SLC4A4: variants seen among roughly 807,000 people sequenced by gnomAD.
SLC4A4 encodes solute carrier family 4 member 4.
A neutral mutation model predicts 111.5 loss-of-function variants in SLC4A4; 27 were observed. That is an observed-to-expected ratio of 0.24 (90% confidence interval 0.18 to 0.33). SLC4A4 has a LOEUF of 0.33. SLC4A4 is among the 10% of genes least tolerant of loss of function. SLC4A4 has a pLI of 1.00. For missense variants in SLC4A4, 909 were observed against 1,315.5 expected, an observed-to-expected ratio of 0.69 and a Z score of 4.78; for synonymous variants, 443 against 463.4, an observed-to-expected ratio of 0.96 and a Z score of 0.57.
In SLC4A4 at chr4:71,436,136, T is replaced by C. The variant is rs543737884; in HGVS notation, c.808-4480T>C. On this transcript the variant is annotated intron_variant, in intron 7 of 25. Transcript: ENST00000264485. ...ATGTTTATTGTGGCACTGTTCACAA[T>C]AGCAAAGACTGGGAACCAATCCAAA... Among the ~76,000 whole-genome samples, 7 of 152,272 alleles carry C rather than the reference T, an allele frequency of 4.6e-5. No individual in the cohort carries two copies. In the South Asian group the frequency reaches 1.5e-3, roughly 32 times the overall value.
At chr4:71,106,338 G>C (rs1201420594) in intron 2 of SLC4A4, among the ~76,000 whole-genome samples, 1 of 151,222 alleles carries the variant, frequency 6.6e-6, no homozygotes, top group Non-Finnish European at 1.5e-5. Flanking sequence ...TTGTAAACTA[G>C]TTCAACCGTT....
At chr4:71,493,054 C>A (rs1222060145) in intron 15 of SLC4A4, among the ~76,000 whole-genome samples, 2 of 151,824 alleles carry the variant, frequency 1.3e-5, no homozygotes, top group African/African-American at 4.8e-5. Flanking sequence ...GCACTTAGGT[C>A]TCAGTGCATT....
At chr4:71,193,229 G>C (rs1050308845) in intron 1 of SLC4A4, among the ~76,000 whole-genome samples, 1 of 152,114 alleles carries the variant, frequency 6.6e-6, no homozygotes, top group Non-Finnish European at 1.5e-5. Flanking sequence ...GCCGGATCTC[G>C]GCTCACTGCA....
At chr4:71,167,828 A>C (rs568547186) in intron 2 of SLC4A4, among the ~76,000 whole-genome samples, 40 of 152,056 alleles carry the variant, frequency 2.6e-4, no homozygotes, top group African/African-American at 9.2e-4. Context: ...TGTTCTTTCA[A>C]CTCTTACATC....
chr4:71,359,174 C>T (rs1036479569), intron 6 of SLC4A4, among the ~76,000 whole-genome samples: 4 of 152,170 alleles, frequency 2.6e-5, no homozygotes, highest in East Asian at 1.9e-4. Flanking sequence ...GAGTTAATAT[C>T]GCTCGCCATT....
At chr4:71,119,088 T>C (rs1205505758) in intron 2 of SLC4A4, among the ~76,000 whole-genome samples, 1 of 152,184 alleles carries the variant, frequency 6.6e-6, no homozygotes, top group Non-Finnish European at 1.5e-5. Flanking sequence ...TCAATGTAGG[T>C]TCATCAAGTG....
chr4:71,344,445 G>A (rs1729154600), intron 4 of SLC4A4, among the ~76,000 whole-genome samples: 1 of 152,074 alleles, frequency 6.6e-6, no homozygotes, highest in Non-Finnish European at 1.5e-5. Context: ...CCCATTAAAA[G>A]CCCTCAGACC....
chr4:71,404,930 G>A (rs922708361), intron 7 of SLC4A4, among the ~76,000 whole-genome samples: 3 of 151,714 alleles, frequency 2.0e-5, no homozygotes, highest in Admixed American at 2.0e-4. Context: ...TGAATAGTGG[G>A]GACTACAGGT....
intron 1 of SLC4A4, among the ~76,000 whole-genome samples, chr4:71,191,681 T>G (rs770400049): frequency 7.2e-5 from 11 of 152,206 alleles, no homozygotes; most frequent in Non-Finnish European, 1.3e-4. Flanking sequence ...CCAGGGAGTA[T>G]TTCATGAGAG....
chr4:71,360,338 T>A (rs1049784422), intron 6 of SLC4A4, among the ~76,000 whole-genome samples: 6 of 152,192 alleles, frequency 3.9e-5, no homozygotes, highest in South Asian at 2.1e-4. Context: ...GCTTGATTTT[T>A]AAATTTTTTT....
At chr4:71,301,197 C>A (rs1035911943) in intron 3 of SLC4A4, 1 of 252,946 alleles carries the variant, frequency 4.0e-6, no homozygotes, top group Non-Finnish European at 7.9e-6. Flanking sequence ...CATACCCACA[C>A]CAGACCTTGG....
intron 7 of SLC4A4, among the ~76,000 whole-genome samples, chr4:71,430,676 C>G (rs1403078932): frequency 6.6e-6 from 1 of 152,110 alleles, no homozygotes; most frequent in Non-Finnish European, 1.5e-5. Flanking sequence ...ACTGGGGACT[C>G]AACAGTCTTT....
chr4:71,178,234 T>C (rs1745157791), intron 2 of SLC4A4, among the ~76,000 whole-genome samples: 1 of 151,078 alleles, frequency 6.6e-6, no homozygotes, highest in Non-Finnish European at 1.5e-5. Flanking sequence ...GCAGGAAAGA[T>C]CTAAAATTGA....
chr4:71,266,583 C>T (rs537331394), intron 3 of SLC4A4, among the ~76,000 whole-genome samples: 10 of 152,250 alleles, frequency 6.6e-5, no homozygotes, highest in Admixed American at 2.0e-4. Flanking sequence ...CATGGTTCCC[C>T]GAGAGGAAAT....
chr4:71,144,087 A>T (rs146627798), intron 2 of SLC4A4, among the ~76,000 whole-genome samples: 2,279 of 152,284 alleles, frequency 0.015, 68 homozygotes, highest in African/African-American at 0.052. Flanking sequence ...TAGGTCTAAC[A>T]TGTAAGTATT....
In SLC4A4 at chr4:71,228,758, C is replaced by T. The variant is rs934337573; in HGVS notation, c.-1-7818C>T. 4.6e-5 allele frequency among the ~76,000 whole-genome samples: 7 copies of T among 152,032 alleles called. No individual in the cohort carries two copies. In the East Asian group the frequency reaches 5.8e-4, roughly 13 times the overall value. On this transcript the variant is annotated intron_variant, in intron 1 of 25. Coordinates refer to ENST00000264485, the MANE Select transcript of SLC4A4 (RefSeq NM_001098484.3). ...ATTGAGGTAATTGTAGATTCAAATGCGTATTTGAGAAATTATACAGAGAGG... is the reference window on the plus strand; with the variant it reads ...ATTGAGGTAATTGTAGATTCAAATGTGTATTTGAGAAATTATACAGAGAGG...
In SLC4A4 at chr4:71,567,064, C is replaced by A. The variant is rs1560629772; in HGVS notation, c.*17C>A. The A allele has an allele frequency of 6.2e-7, 1 of 1,609,714 alleles. No homozygotes were observed. The highest frequency in any genetic ancestry group is 1.7e-5 in the Admixed American group (1 of 59,706). ...TCATGCTGATAAAATTCCTTTCCTT[C>A]AGTCACTCGGTATGCCAAGGTAAAG... On this transcript the variant is annotated 3_prime_UTR_variant, in exon 25 of 26. Coordinates refer to ENST00000264485, the MANE Select transcript of SLC4A4 (RefSeq NM_001098484.3).
At chr4:71,072,224 G>A (rs999848696) in intron 1 of SLC4A4, among the ~76,000 whole-genome samples, 11 of 151,970 alleles carry the variant, frequency 7.2e-5, no homozygotes, top group East Asian at 1.9e-4. Context: ...CTGTTTTTAC[G>A]TTTAAAACTT....
At chr4:71,083,636 G>A (rs1314106812) in intron 1 of SLC4A4, among the ~76,000 whole-genome samples, 1 of 151,974 alleles carries the variant, frequency 6.6e-6, no homozygotes, top group East Asian at 1.9e-4. Context: ...ACCTGAAGAT[G>A]CTCTAAGGGT....
Sources: allele counts gnomAD v4.1 joint callset (sites outside exome capture counted in the v4.1 genomes callset), GRCh38; gene constraint gnomAD v4.1.1; transcripts MANE v1.5; gene names NCBI Gene and HGNC (gene_info 2026-07-23, HGNC 2026-07-21).